CCDC81: variants seen among roughly 807,000 people sequenced by gnomAD.
CCDC81 encodes coiled-coil domain containing 81.
Under a neutral mutation model 83.7 loss-of-function variants are expected in CCDC81, and 79 were observed. The observed-to-expected ratio is 0.94, with a 90% CI of 0.79 to 1.14. The LOEUF (loss-of-function observed/expected upper bound fraction) is 1.14, where lower values mean the gene tolerates loss of function less well. Among genes scored for constraint, CCDC81 ranks in the 50% most tolerant of loss-of-function variants. The pLI is 0.00. For synonymous variants in CCDC81, 252 were observed against 278.1 expected, an observed-to-expected ratio of 0.91 and a Z score of 0.93; for missense variants, 791 against 778.1, an observed-to-expected ratio of 1.02 and a Z score of -0.20.
intron 6 of CCDC81, 27 bp downstream of exon 6, chr11:86,397,769 C>A: frequency 6.2e-7 from 1 of 1,605,240 alleles, no homozygotes; most frequent in South Asian, 1.1e-5. Context: ...TGGGTCCAAT[C>A]TGTCACTCTT....
chr11:86,393,412 A>G (rs1255249676), intron 4 of CCDC81, among the ~76,000 whole-genome samples: 2 of 152,196 alleles, frequency 1.3e-5, no homozygotes, highest in East Asian at 1.9e-4. Context: ...GAGCCTCAAA[A>G]TAGCATACAA....
chr11:86,392,618 TG>T lies in CCDC81; in HGVS notation c.377del (p.Cys126LeufsTer2). 1 of 1,551,674 alleles carries T rather than the reference TG, an allele frequency of 6.4e-7. No individual in the cohort carries two copies. Among genetic ancestry groups the T allele is most frequent in the Non-Finnish European group, 8.7e-7 (1 of 1,146,962 alleles). ...GPFNRDVVEG[C>X]VKETLLFLSR... ...ATTTAACAGAGATGTAGTGGAAGGATGTGTGAAGGAGACGTTGCTTTTTTTA... is the reference window on the plus strand; with the variant it reads ...ATTTAACAGAGATGTAGTGGAAGGATTGTGAAGGAGACGTTGCTTTTTTTA... On this transcript the variant is annotated frameshift_variant, in exon 4 of 15. Transcript: ENST00000445632. LOFTEE classifies it high-confidence loss of function.
rs1219999552 is a variant in CCDC81, at chr11:86,381,957, CA to C, written c.80-4093del. On this transcript the variant is annotated intron_variant, in intron 1 of 14. Coordinates refer to ENST00000445632, the MANE Select transcript of CCDC81 (RefSeq NM_001156474.2). The stretch of plus-strand genomic sequence containing the variant: ...AAAATGATTTTGGCAAAGGGAATGA[CA>C]GGGGCAAAAACTTATGGTGAGAGTA... 2.6e-5 allele frequency among the ~76,000 whole-genome samples: 4 copies of C among 152,190 alleles called. 1 individual carries two copies. The highest frequency in any genetic ancestry group is 7.2e-5 in the African/African-American group (3 of 41,524).
intron 12 of CCDC81, 95 bp downstream of exon 12, chr11:86,414,962 A>T: frequency 7.1e-7 from 1 of 1,400,506 alleles, no homozygotes; most frequent in Non-Finnish European, 9.9e-7. Flanking sequence ...TTTATGTGTT[A>T]TGCATTTGGT....
intron 13 of CCDC81, among the ~76,000 whole-genome samples, chr11:86,415,726 T>C (rs1271917395): frequency 6.6e-6 from 1 of 152,134 alleles, no homozygotes; most frequent in Admixed American, 6.6e-5. Flanking sequence ...CAGGCTGGAG[T>C]GCAGTGGCAT....
At chr11:86,405,793 T>C (rs559310348) in intron 7 of CCDC81, among the ~76,000 whole-genome samples, 10 of 150,392 alleles carry the variant, frequency 6.6e-5, no homozygotes, top group Non-Finnish European at 8.9e-5. Flanking sequence ...TTCTTTTTTT[T>C]TTTTTTTTGC....
chr11:86,390,421 G>C (rs925892469), intron 3 of CCDC81, among the ~76,000 whole-genome samples: 2 of 152,282 alleles, frequency 1.3e-5, no homozygotes, highest in African/African-American at 4.8e-5. Flanking sequence ...GGTAGGTAGG[G>C]ACCAATTGTG....
chr11:86,383,128 G>A (rs904921088), intron 1 of CCDC81, among the ~76,000 whole-genome samples: 1 of 152,162 alleles, frequency 6.6e-6, no homozygotes, highest in Non-Finnish European at 1.5e-5. Flanking sequence ...TTAATATTAT[G>A]TAATTATAGT....
intron 4 of CCDC81, among the ~76,000 whole-genome samples, chr11:86,394,876 A>G (rs1029527257): frequency 2.6e-5 from 4 of 152,248 alleles, no homozygotes; most frequent in African/African-American, 4.8e-5. Context: ...TATTATCCCC[A>G]GAAACCTAGT....
intron 14 of CCDC81, among the ~76,000 whole-genome samples, chr11:86,421,711 G>A (rs908607302): frequency 2.0e-5 from 3 of 152,178 alleles, no homozygotes; most frequent in Admixed American, 6.5e-5. Flanking sequence ...GAGTTCAGAA[G>A]TTTGAGACCA....
At chr11:86,401,957 A>C (rs1264520822) in intron 7 of CCDC81, among the ~76,000 whole-genome samples, 1 of 151,912 alleles carries the variant, frequency 6.6e-6, no homozygotes, top group Non-Finnish European at 1.5e-5. Context: ...TAACACGGTG[A>C]AACTCTGTCT....
At chr11:86,404,431 C>T (rs759958877) in intron 7 of CCDC81, among the ~76,000 whole-genome samples, 1 of 152,188 alleles carries the variant, frequency 6.6e-6, no homozygotes, top group Non-Finnish European at 1.5e-5. Flanking sequence ...CTAAAACATT[C>T]ACTCTCTGGC....
chr11:86,393,586 T>C (rs984551192), intron 4 of CCDC81, among the ~76,000 whole-genome samples: 1 of 152,232 alleles, frequency 6.6e-6, no homozygotes, highest in Admixed American at 6.5e-5. Flanking sequence ...GGTTCTACTA[T>C]TTTATTTTAA....
intron 3 of CCDC81, among the ~76,000 whole-genome samples, chr11:86,388,184 C>CCTTT (rs1260147755): frequency 3.8e-5 from 5 of 132,600 alleles, no homozygotes; most frequent in African/African-American, 1.4e-4. Context: ...CTCCCTCCCT[C>CCTTT]CCTCCTTTCC....
chr11:86,415,392 C>T, intron 13 of CCDC81, 79 bp downstream of exon 13: 3 of 1,093,298 alleles, frequency 2.7e-6, no homozygotes, highest in Non-Finnish European at 4.1e-6. Flanking sequence ...TCCACCCTGT[C>T]CCTGCCCCTC....
rs190173139 is a variant in CCDC81 at position 86,392,147 on chromosome 11, A to G, written c.299-394A>G. 2.1e-4 allele frequency among the ~76,000 whole-genome samples: 32 copies of G among 152,304 alleles called. No homozygotes were observed. The East Asian group carries it at 6.0e-3, about 28-fold the overall frequency. On this transcript the variant is annotated intron_variant, in intron 3 of 14. Transcript: ENST00000445632. ...ACATGAGATTTGGGTGGGGACACAG[A>G]TCCAAACCATATCAGCAAATATTGC...
intron 5 of CCDC81, 39 bp downstream of exon 5, chr11:86,395,452 A>G (rs1043180434): frequency 2.7e-6 from 4 of 1,505,896 alleles, no homozygotes; most frequent in African/African-American, 2.8e-5. Context: ...AGGCACTAGC[A>G]CTCCTTGCTG....
At chr11:86,398,168 G>A (rs1026366315) in intron 6 of CCDC81, among the ~76,000 whole-genome samples, 1 of 152,042 alleles carries the variant, frequency 6.6e-6, no homozygotes, top group African/African-American at 2.4e-5. Context: ...TAACAAATAC[G>A]TTCTATTCCT....
intron 10 of CCDC81, among the ~76,000 whole-genome samples, chr11:86,411,397 C>T (rs1334363438): frequency 6.6e-6 from 1 of 152,238 alleles, no homozygotes; most frequent in Admixed American, 6.5e-5. Context: ...TAGCTCTTTT[C>T]CCACCCAGCC....
Sources: gnomAD v4.1 joint callset for allele counts (sites outside exome capture counted in the v4.1 genomes callset) on GRCh38, gnomAD v4.1.1 for gene constraint, MANE v1.5 for transcripts, NCBI Gene and HGNC (gene_info 2026-07-23, HGNC 2026-07-21) for gene names.